NKIRAS1: variants seen among roughly 807,000 people sequenced by gnomAD.
NKIRAS1 encodes NF-kappa-B inhibitor-interacting Ras-like protein 1.
NKIRAS1 carries 16 observed loss-of-function variants against 19.8 expected under a neutral mutation model. The observed-to-expected ratio is 0.81, with a 90% CI of 0.55 to 1.23. NKIRAS1 has a LOEUF of 1.23. Ranked by LOEUF, NKIRAS1 falls within the 50% of genes most tolerant of loss-of-function variation. The pLI is 0.00. For missense variants in NKIRAS1, 184 were observed against 220.0 expected (o/e 0.84, Z 1.04); for synonymous variants, 88 against 79.0 (o/e 1.11, Z -0.61).
At chr3:23,911,884 T>C (rs983068726) in intron 1 of NKIRAS1, among the ~76,000 whole-genome samples, 2 of 151,576 alleles carry the variant, frequency 1.3e-5, no homozygotes, top group Admixed American at 1.3e-4. Context: ...TGCCTCAATC[T>C]CCCAAGTAGC....
chr3:23,904,509 T>C (rs1173623026), intron 3 of NKIRAS1, among the ~76,000 whole-genome samples: 5 of 152,224 alleles, frequency 3.3e-5, no homozygotes, highest in African/African-American at 4.8e-5. Flanking sequence ...TTAGTCCTCA[T>C]GAAGGTGAAG....
rs1336499093 is a variant in NKIRAS1 at position 23,893,181 on chromosome 3, C to G, written c.493G>C (p.Ala165Pro). The G allele has an allele frequency of 6.2e-7, 1 of 1,613,576 alleles. No homozygotes were observed. The highest frequency in any genetic ancestry group is 1.7e-5 in the Admixed American group (1 of 59,888). Residue 165 changes from alanine (A) to proline (P), a missense_variant, in exon 5 of 5, where the codon GCC becomes CCC. Ala to Pro is a conservative substitution (Grantham distance 27). Transcript: ENST00000425478. ...CTCTGGGGTTGAGAAAGTTTACTGGCTAATAAAGTGAATGGTTCAATCAGA... is the reference window on the plus strand; with the variant it reads ...CTCTGGGGTTGAGAAAGTTTACTGGGTAATAAAGTGAATGGTTCAATCAGA... ...KTLIEPFTLL[A>P]SKLSQPQSKS...
In NKIRAS1 at chr3:23,916,577, G is replaced by A. The variant is rs547180721; in HGVS notation, c.-140+207C>T. 5 of 152,420 alleles carry A rather than the reference G, an allele frequency of 3.3e-5. No homozygotes were observed. In the South Asian group the frequency reaches 6.2e-4, roughly 19 times the overall value. The allele number at this position is 152,420 out of a possible 1,614,324, so 9.4% of individuals were successfully genotyped here. A position where few individuals can be genotyped will look rare whatever the true frequency, so the allele number is the denominator to read the frequency against. The stretch of plus-strand genomic sequence containing the variant: ...GCTTCACGCAGTCTGGAGCTGAAGG[G>A]ACACAGCGAGCGCCCCGACCCGCGA... On this transcript the variant is annotated intron_variant, in intron 1 of 4. Coordinates refer to ENST00000425478, the MANE Select transcript of NKIRAS1 (RefSeq NM_020345.4).
chr3:23,938,794 C>T (rs568688201), intron 1 of NKIRAS1, among the ~76,000 whole-genome samples: 2 of 152,306 alleles, frequency 1.3e-5, no homozygotes, highest in South Asian at 2.1e-4. Context: ...GATGCAACTT[C>T]TCCCTTATCC....
rs765065443 is a variant in NKIRAS1 at position 23,916,957 on chromosome 3, G to A, written c.-313C>T. The A allele has an allele frequency of 2.0e-5, 3 of 152,672 alleles. No individual in the cohort carries two copies. Among genetic ancestry groups the A allele is most frequent in the Admixed American group, 6.5e-5 (1 of 15,288 alleles). 9.5% of individuals were successfully genotyped at this position (152,672 alleles called of 1,614,324 possible). On this transcript the variant is annotated 5_prime_UTR_variant, in exon 1 of 5. Transcript: ENST00000425478. The stretch of plus-strand genomic sequence containing the variant: ...CCTCTCGAGACGCCCAGGCCGCTCA[G>A]GCTCGAATCTTGCGGAGCAGGGGGC...
Position 23,891,936 on chromosome 3 carries a change from T to G in NKIRAS1, c.*1159A>C, listed in dbSNP as rs1468615803. Reference sequence around the variant, plus strand: ...GAGTTAGTGTCTGGTAATTTTTTTTTACCAAAAAATGAATTTATGATGAGA... The same window carrying G: ...GAGTTAGTGTCTGGTAATTTTTTTTGACCAAAAAATGAATTTATGATGAGA... On this transcript the variant is annotated 3_prime_UTR_variant, in exon 5 of 5. Transcript: ENST00000425478. 6.6e-6 allele frequency: 1 copy of G among 152,174 alleles called. No homozygotes were observed. The highest frequency in any genetic ancestry group is 2.1e-4 in the South Asian group (1 of 4,834). 9.4% of individuals were successfully genotyped at this position (152,174 alleles called of 1,614,324 possible).
chr3:23,918,055 C>G (rs1488171097), upstream of NKIRAS1: 1 of 1,593,334 alleles, frequency 6.3e-7, no homozygotes, highest in Non-Finnish European at 8.5e-7. Flanking sequence ...TGCGTGGATG[C>G]TTGGATAAAA....
At chr3:23,929,599 T>G (rs377494385) in intron 1 of NKIRAS1, among the ~76,000 whole-genome samples, 4 of 149,734 alleles carry the variant, frequency 2.7e-5, no homozygotes, top group Non-Finnish European at 3.0e-5. Flanking sequence ...GCTAATTTTT[T>G]TTGTTGTTGT....
At chr3:23,925,356 G>A (rs1349606921) in intron 1 of NKIRAS1, among the ~76,000 whole-genome samples, 1 of 152,154 alleles carries the variant, frequency 6.6e-6, no homozygotes, top group Non-Finnish European at 1.5e-5. Flanking sequence ...TACTGAGACT[G>A]GGCTTGGTGG....
At chr3:23,901,267 C>G (rs1339067722) in intron 3 of NKIRAS1, among the ~76,000 whole-genome samples, 1 of 151,810 alleles carries the variant, frequency 6.6e-6, no homozygotes, top group Non-Finnish European at 1.5e-5. Context: ...CAACCTCCGC[C>G]ACCTGGGCTC....
At chr3:23,940,168 CAAA>C (rs1293108063) in intron 1 of NKIRAS1, among the ~76,000 whole-genome samples, 848 of 71,706 alleles carry the variant, frequency 0.012, 10 homozygotes, top group African/African-American at 0.039. Flanking sequence ...CCATCTCTAC[CAAA>C]AAAAAAAAAA....
intron 4 of NKIRAS1, among the ~76,000 whole-genome samples, chr3:23,895,022 G>A (rs1374248080): frequency 1.3e-5 from 2 of 152,048 alleles, no homozygotes; most frequent in South Asian, 2.1e-4. Flanking sequence ...CACCACTCCC[G>A]TGGTCATATC....
intron 1 of NKIRAS1, among the ~76,000 whole-genome samples, chr3:23,914,196 A>T (rs1354698160): frequency 8.5e-5 from 13 of 152,096 alleles, no homozygotes; most frequent in African/African-American, 3.1e-4. Context: ...ACAGAGAGTA[A>T]ATATATGACC....
At chr3:23,931,227 A>G (rs1354045355) in intron 1 of NKIRAS1, among the ~76,000 whole-genome samples, 1 of 152,164 alleles carries the variant, frequency 6.6e-6, no homozygotes, top group Non-Finnish European at 1.5e-5. Context: ...CAAAAAACCA[A>G]CGTTCCCTTC....
chr3:23,918,845 A>G, upstream of NKIRAS1: 1 of 515,180 alleles, frequency 1.9e-6, no homozygotes, highest in Non-Finnish European at 3.4e-6. Flanking sequence ...CACAGCCTAA[A>G]ATATATACTA....
chr3:23,910,711 C>T (rs1703613380), intron 3 of NKIRAS1, 100 bp downstream of exon 3: 8 of 789,694 alleles, frequency 1.0e-5, no homozygotes, highest in Non-Finnish European at 1.5e-5. Flanking sequence ...ATTATACCTC[C>T]CCTTTATGTA....
intron 4 of NKIRAS1, among the ~76,000 whole-genome samples, chr3:23,899,427 C>T (rs918872458): frequency 2.6e-5 from 4 of 152,304 alleles, no homozygotes; most frequent in African/African-American, 7.2e-5. Flanking sequence ...AAGTTAAGAA[C>T]ATCTAGCCAG....
chr3:23,935,741 T>G (rs1187528732), intron 1 of NKIRAS1, among the ~76,000 whole-genome samples: 1 of 152,048 alleles, frequency 6.6e-6, no homozygotes, highest in Admixed American at 6.6e-5. Context: ...AGTAAATTTG[T>G]TTTCTAGAAT....
intron 1 of NKIRAS1, among the ~76,000 whole-genome samples, chr3:23,925,295 T>A (rs1387141902): frequency 6.6e-6 from 1 of 152,188 alleles, no homozygotes; most frequent in Non-Finnish European, 1.5e-5. Context: ...GAGTATTTTG[T>A]CACTGACATT....
Sources: allele counts gnomAD v4.1 joint callset (sites outside exome capture counted in the v4.1 genomes callset), GRCh38; gene constraint gnomAD v4.1.1; transcripts MANE v1.5; gene names NCBI Gene and HGNC (gene_info 2026-07-23, HGNC 2026-07-21).